RAPGEF1: variants seen among roughly 807,000 people sequenced by gnomAD.
RAPGEF1 encodes Rap guanine nucleotide exchange factor 1.
Under a neutral mutation model 143.3 loss-of-function variants are expected in RAPGEF1, and 33 were observed. The ratio of observed to expected loss-of-function variants is 0.23; its 90% confidence interval spans 0.17 to 0.31. The LOEUF is 0.31. Among genes scored for constraint, RAPGEF1 ranks in the 10% least tolerant of loss-of-function variants. The pLI, the probability that RAPGEF1 is intolerant of heterozygous loss-of-function variation, is 1.00. For missense variants in RAPGEF1, 1,199 were observed against 1,645.4 expected (o/e 0.73, Z 4.69); for synonymous variants, 629 against 676.5 (o/e 0.93, Z 1.09).
At chr9:131,618,963 G>A (rs1959800058) in intron 12 of RAPGEF1, 88 bp downstream of exon 12, 1 of 1,181,690 alleles carries the variant, frequency 8.5e-7, no homozygotes, top group Non-Finnish European at 1.1e-6. Flanking sequence ...GCCGCGACGG[G>A]CAGCAGAACA....
chr9:131,626,684 C>T (rs1963192641), intron 9 of RAPGEF1, among the ~76,000 whole-genome samples: 5 of 152,050 alleles, frequency 3.3e-5, no homozygotes, highest in Admixed American at 6.5e-5. Context: ...ATTACGGAAA[C>T]TGTGGCAAAT....
Position 131,670,164 on chromosome 9 carries a change from G to A in RAPGEF1, c.62-19215C>T, listed in dbSNP as rs116873552. On this transcript the variant is annotated intron_variant, in intron 1 of 26. Transcript: ENST00000683357. ...GTTCTGCTTCACACACCAGCCACAC[G>A]GTCTCCTAATTTAGTAGAGAGAGGA... Among the ~76,000 whole-genome samples, 119 of 152,254 alleles carry A rather than the reference G, an allele frequency of 7.8e-4. 2 individuals are homozygous for A. In the East Asian group the frequency reaches 0.016, roughly 20 times the overall value.
At chr9:131,606,020 G>C (rs1192480604) in intron 12 of RAPGEF1, among the ~76,000 whole-genome samples, 1 of 152,144 alleles carries the variant, frequency 6.6e-6, no homozygotes, top group African/African-American at 2.4e-5. Flanking sequence ...GTTGCAGTGA[G>C]GCAAGATCAA....
intron 1 of RAPGEF1, among the ~76,000 whole-genome samples, chr9:131,688,302 G>A (rs184002429): frequency 2.1e-4 from 32 of 152,304 alleles, no homozygotes; most frequent in Non-Finnish European, 1.2e-4. Context: ...AACACCTCCA[G>A]TCAATGGTTT....
chr9:131,581,663 C>G (rs1306305155), intron 25 of RAPGEF1, among the ~76,000 whole-genome samples: 1 of 152,150 alleles, frequency 6.6e-6, no homozygotes, highest in Non-Finnish European at 1.5e-5. Context: ...GATCATGCCA[C>G]TGCATACCAG....
intron 1 of RAPGEF1, among the ~76,000 whole-genome samples, chr9:131,696,616 G>A (rs973350501): frequency 6.6e-6 from 1 of 152,188 alleles, no homozygotes; most frequent in Non-Finnish European, 1.5e-5. Flanking sequence ...GGTGCTCAGC[G>A]AACTGTAGCT....
chr9:131,722,918 G>A (rs1057028576), intron 1 of RAPGEF1, among the ~76,000 whole-genome samples: 3 of 152,182 alleles, frequency 2.0e-5, no homozygotes, highest in Non-Finnish European at 4.4e-5. Flanking sequence ...CGGGGGGCAG[G>A]CATGGTGGCT....
intron 10 of RAPGEF1, among the ~76,000 whole-genome samples, chr9:131,623,863 G>A (rs905891368): frequency 1.1e-4 from 16 of 152,172 alleles, no homozygotes; most frequent in African/African-American, 3.9e-4. Flanking sequence ...GCCAGCGTTA[G>A]CCACGCGGCC....
chr9:131,625,309 T>C (rs1338182864), intron 10 of RAPGEF1, among the ~76,000 whole-genome samples: 1 of 152,154 alleles, frequency 6.6e-6, no homozygotes, highest in Non-Finnish European at 1.5e-5. Context: ...CCAGGAGAAC[T>C]CTCCTTATTA....
At chr9:131,616,120 T>C (rs1157601835) in intron 12 of RAPGEF1, among the ~76,000 whole-genome samples, 1 of 151,812 alleles carries the variant, frequency 6.6e-6, no homozygotes, top group Non-Finnish European at 1.5e-5. Context: ...TACAAAAAAT[T>C]AGCTGGGCGT....
Position 131,692,499 on chromosome 9 carries a change from T to C in RAPGEF1, c.62-41550A>G, listed in dbSNP as rs145746675. On this transcript the variant is annotated intron_variant, in intron 1 of 26. Transcript: ENST00000683357. ...AGCTGGAGCTTGACAACTCCATGTA[T>C]ATTATGAGGGACAGGTCTCATACCT... Among the ~76,000 whole-genome samples the C allele has an allele frequency of 6.9e-4, 105 of 152,256 alleles. 1 individual carries two copies. The highest frequency in any genetic ancestry group is 2.3e-3 in the African/African-American group (97 of 41,544).
chr9:131,642,145 T>G (rs1238577853), intron 4 of RAPGEF1, among the ~76,000 whole-genome samples: 1 of 152,234 alleles, frequency 6.6e-6, no homozygotes, highest in Admixed American at 6.5e-5. Flanking sequence ...GCTTTTCTTT[T>G]TACATTTAAC....
At chr9:131,731,816 A>C (rs1837093949) in intron 1 of RAPGEF1, among the ~76,000 whole-genome samples, 1 of 152,214 alleles carries the variant, frequency 6.6e-6, no homozygotes, top group Admixed American at 6.5e-5. Flanking sequence ...TGGGCAAGCC[A>C]GTGAAAAGCA....
chr9:131,608,342 G>T (rs1266608051), intron 12 of RAPGEF1, among the ~76,000 whole-genome samples: 2 of 152,180 alleles, frequency 1.3e-5, no homozygotes, highest in African/African-American at 4.8e-5. Context: ...TTGCTGATAC[G>T]TATTTTAGTA....
chr9:131,586,545 CCTGCAGAGCGAGACTCCGTCTCAA>C, intron 22 of RAPGEF1, among the ~76,000 whole-genome samples: 5 of 87,298 alleles, frequency 5.7e-5, no homozygotes, highest in African/African-American at 2.3e-4. Context: ...CACACACACA[CCTGCAGAGCGAGACTCCGTCTCAA>C]ACACACACAC....
chr9:131,694,283 ATACC>A, intron 1 of RAPGEF1, among the ~76,000 whole-genome samples: 1 of 152,244 alleles, frequency 6.6e-6, no homozygotes, highest in East Asian at 1.9e-4. Context: ...ATGAGGCCTA[ATACC>A]CTAGGGCATG....
intron 20 of RAPGEF1, 139 bp downstream of exon 20, chr9:131,588,662 C>T (rs1953627237): frequency 9.2e-6 from 8 of 874,022 alleles, no homozygotes; most frequent in Admixed American, 2.9e-5. Flanking sequence ...CAGGGATCCA[C>T]GGGGCTGTTC....
chr9:131,613,724 G>A (rs1958418638), intron 12 of RAPGEF1, among the ~76,000 whole-genome samples: 1 of 152,158 alleles, frequency 6.6e-6, no homozygotes, highest in African/African-American at 2.4e-5. Flanking sequence ...CTGGTGAGGA[G>A]AGAAGCCTGC....
chr9:131,714,344 T>C (rs74322531), intron 1 of RAPGEF1, among the ~76,000 whole-genome samples: 4 of 151,862 alleles, frequency 2.6e-5, no homozygotes, highest in Middle Eastern at 3.4e-3. Context: ...TTTTTTTTTT[T>C]AGATAGAAAT....
Sources: allele counts gnomAD v4.1 joint callset (sites outside exome capture counted in the v4.1 genomes callset), GRCh38; gene constraint gnomAD v4.1.1; transcripts MANE v1.5; gene names NCBI Gene and HGNC (gene_info 2026-07-23, HGNC 2026-07-21).